IGF1R: variants seen among roughly 807,000 people sequenced by gnomAD.
IGF1R encodes the protein insulin like growth factor 1 receptor, also known as insulin-like growth factor 1 receptor.
In IGF1R, 44 loss-of-function variants were observed where a neutral mutation model predicts 144.6. That is an observed-to-expected ratio of 0.30 (90% confidence interval 0.24 to 0.39). The LOEUF is 0.39. Among genes scored for constraint, IGF1R ranks in the 10% least tolerant of loss-of-function variants. The probability of loss-of-function intolerance (pLI) is 1.00; values close to 1 mark genes in which losing one functional copy is unlikely to be tolerated. For synonymous variants in IGF1R, 795 were observed against 722.8 expected, an observed-to-expected ratio of 1.10 and a Z score of -1.60; for missense variants, 1,355 against 1,833.7, an observed-to-expected ratio of 0.74 and a Z score of 4.77.
In IGF1R at chr15:98,659,991, T is replaced by C. The variant is rs576368073; in HGVS notation, c.94+10316T>C. The stretch of plus-strand genomic sequence containing the variant: ...ATTTCGCTAGCTAATTTTATGTATT[T>C]TGTTTCATGTTTTATTGATATTTTC... On this transcript the variant is annotated intron_variant, in intron 1 of 20. Transcript: ENST00000650285. 1.2e-4 allele frequency among the ~76,000 whole-genome samples: 19 copies of C among 152,324 alleles called. No individual in the cohort carries two copies. In the South Asian group the frequency reaches 3.9e-3, roughly 32 times the overall value.
chr15:98,954,767 C>T (rs2016913400), intron 20 of IGF1R, among the ~76,000 whole-genome samples: 1 of 152,228 alleles, frequency 6.6e-6, no homozygotes, highest in East Asian at 1.9e-4. Context: ...GTCGTTATGG[C>T]CTATTTTAAT....
intron 2 of IGF1R, among the ~76,000 whole-genome samples, chr15:98,739,974 C>T (rs2054701274): frequency 6.6e-6 from 1 of 151,020 alleles, no homozygotes; most frequent in Admixed American, 6.6e-5. Flanking sequence ...AGGTCTTAGT[C>T]TCCTCTCCAG....
intron 2 of IGF1R, among the ~76,000 whole-genome samples, chr15:98,853,634 G>A (rs1418800489): frequency 6.6e-6 from 1 of 152,342 alleles, no homozygotes; most frequent in East Asian, 1.9e-4. Context: ...TTGAGGGTCT[G>A]GTTTGCGGAG....
chr15:98,659,385 C>T (rs1415624032), intron 1 of IGF1R, among the ~76,000 whole-genome samples: 4 of 152,022 alleles, frequency 2.6e-5, no homozygotes, highest in Admixed American at 6.6e-5. Flanking sequence ...TTGCCCATCT[C>T]GCCTATGCAT....
chr15:98,761,609 C>T (rs1040139973), intron 2 of IGF1R, among the ~76,000 whole-genome samples: 1 of 152,232 alleles, frequency 6.6e-6, no homozygotes, highest in Non-Finnish European at 1.5e-5. Flanking sequence ...CATGTGAATG[C>T]ATGCATCTTT....
intron 2 of IGF1R, among the ~76,000 whole-genome samples, chr15:98,724,374 G>A (rs1286878627): frequency 6.6e-6 from 1 of 152,164 alleles, no homozygotes; most frequent in African/African-American, 2.4e-5. Flanking sequence ...GGGGCCACTG[G>A]GGGCTCACTG....
chr15:98,669,491 C>A (rs2052831568), intron 1 of IGF1R, among the ~76,000 whole-genome samples: 1 of 152,152 alleles, frequency 6.6e-6, no homozygotes, highest in Non-Finnish European at 1.5e-5. Context: ...ACGTTGCCCT[C>A]AGGGTCATAT....
At chr15:98,850,746 G>T (rs762008856) in intron 2 of IGF1R, among the ~76,000 whole-genome samples, 9 of 144,776 alleles carry the variant, frequency 6.2e-5, no homozygotes, top group African/African-American at 1.9e-4. Flanking sequence ...GGCACTTGGT[G>T]GGGGGGGGTA....
chr15:98,869,465 G>A (rs983613214), intron 2 of IGF1R, among the ~76,000 whole-genome samples: 15 of 131,286 alleles, frequency 1.1e-4, no homozygotes, highest in African/African-American at 3.9e-4. Context: ...ACGGCGTTTC[G>A]CCCTTGTTGC....
chr15:98,865,745 C>A (rs1308058020), intron 2 of IGF1R, among the ~76,000 whole-genome samples: 2 of 152,206 alleles, frequency 1.3e-5, no homozygotes, highest in Non-Finnish European at 2.9e-5. Context: ...CTGGTGGATC[C>A]GTCTCACAGC....
intron 3 of IGF1R, among the ~76,000 whole-genome samples, chr15:98,895,250 ACACACAC>A: frequency 6.7e-6 from 1 of 149,082 alleles, no homozygotes; most frequent in Admixed American, 6.7e-5. Flanking sequence ...ACACACACAC[ACACACAC>A]ACACACACAC....
At chr15:98,955,563 G>T (rs1253650272) in intron 20 of IGF1R, among the ~76,000 whole-genome samples, 1 of 152,222 alleles carries the variant, frequency 6.6e-6, no homozygotes, top group African/African-American at 2.4e-5. Flanking sequence ...TGGAGACGCA[G>T]GCCCCCGGGC....
chr15:98,817,514 C>T (rs916164759), intron 2 of IGF1R, among the ~76,000 whole-genome samples: 2 of 151,816 alleles, frequency 1.3e-5, no homozygotes, highest in Non-Finnish European at 2.9e-5. Flanking sequence ...TCATTGAGGC[C>T]TCTGTGAAAA....
In IGF1R at chr15:98,713,021, C is replaced by T. The variant is rs562976813; in HGVS notation, c.640+4914C>T. On this transcript the variant is annotated intron_variant, in intron 2 of 20. Coordinates refer to ENST00000650285, the MANE Select transcript of IGF1R (RefSeq NM_000875.5). ...AGCTCCTGAGTGGTCAACAGCTACC[C>T]CGTGACAACATGCCACACTCCATGT... Among the ~76,000 whole-genome samples the T allele has an allele frequency of 7.9e-5, 12 of 151,680 alleles. 1 individual carries two copies. The East Asian group carries it at 2.3e-3, about 29-fold the overall frequency.
intron 2 of IGF1R, among the ~76,000 whole-genome samples, chr15:98,816,325 A>G: frequency 6.6e-6 from 1 of 152,218 alleles, no homozygotes. Context: ...TTCTTGTTTC[A>G]TTAAACATTT....
intron 1 of IGF1R, among the ~76,000 whole-genome samples, chr15:98,671,397 T>C (rs1014565807): frequency 1.3e-5 from 2 of 152,170 alleles, no homozygotes; most frequent in Non-Finnish European, 2.9e-5. Context: ...GCAGAAACCA[T>C]GGGCTATCAC....
chr15:98,697,246 G>A (rs575634767), intron 1 of IGF1R, among the ~76,000 whole-genome samples: 5 of 152,298 alleles, frequency 3.3e-5, no homozygotes, highest in South Asian at 2.1e-4. Context: ...CAACGCAGTC[G>A]GTTGTGGCTT....
At chr15:98,944,657 T>C (rs1363317726) in intron 19 of IGF1R, among the ~76,000 whole-genome samples, 2 of 152,238 alleles carry the variant, frequency 1.3e-5, no homozygotes, top group Non-Finnish European at 2.9e-5. Flanking sequence ...AAGAATTGTA[T>C]TGGGCTTTGT....
intron 2 of IGF1R, among the ~76,000 whole-genome samples, chr15:98,790,409 G>GC (rs1379245717): frequency 2.6e-5 from 4 of 152,140 alleles, no homozygotes; most frequent in African/African-American, 9.7e-5. Context: ...CACAGAAAAC[G>GC]CCATAAGCTC....
Sources: allele counts gnomAD v4.1 joint callset (sites outside exome capture counted in the v4.1 genomes callset), GRCh38; gene constraint gnomAD v4.1.1; transcripts MANE v1.5; gene names NCBI Gene and HGNC (gene_info 2026-07-23, HGNC 2026-07-21).